The following FAM135B variants were observed in gnomAD, a reference collection of about 807,000 sequenced individuals.
The protein encoded by FAM135B is family with sequence similarity 135 member B, also known as protein FAM135B.
FAM135B carries 43 observed loss-of-function variants against 127.7 expected under a neutral mutation model. The observed-to-expected ratio is 0.34, with a 90% CI of 0.26 to 0.43. FAM135B has a LOEUF of 0.43. FAM135B is among the 20% of genes least tolerant of loss of function. FAM135B has a pLI of 1.00. For missense variants in FAM135B, 1,558 were observed against 1,725.6 expected (o/e 0.90, Z 1.72); for synonymous variants, 670 against 665.1 (o/e 1.01, Z -0.11).
intron 2 of FAM135B, among the ~76,000 whole-genome samples, chr8:138,366,283 C>A (rs776627650): frequency 3.3e-5 from 5 of 152,104 alleles, no homozygotes; most frequent in Non-Finnish European, 5.9e-5. Context: ...ATGATGGAAA[C>A]CTGACATTAT....
intron 7 of FAM135B, among the ~76,000 whole-genome samples, chr8:138,224,663 T>A (rs1254421357): frequency 6.6e-6 from 1 of 152,206 alleles, no homozygotes; most frequent in African/African-American, 2.4e-5. Context: ...GTTATGGACT[T>A]GATGTTTGTG....
intron 7 of FAM135B, among the ~76,000 whole-genome samples, chr8:138,208,268 A>T (rs1409196196): frequency 1.6e-4 from 24 of 152,158 alleles, no homozygotes; most frequent in Non-Finnish European, 1.5e-5. Flanking sequence ...GCAGTTTTAT[A>T]TGCTGGATTC....
At chr8:138,168,752 A>G (rs2130908950) in intron 11 of FAM135B, among the ~76,000 whole-genome samples, 1 of 152,334 alleles carries the variant, frequency 6.6e-6, no homozygotes, top group Non-Finnish European at 1.5e-5. Context: ...TTTCTACAGT[A>G]GGGGAAGAGT....
chr8:138,399,503 A>G (rs1833030441), intron 1 of FAM135B, among the ~76,000 whole-genome samples: 1 of 152,210 alleles, frequency 6.6e-6, no homozygotes, highest in South Asian at 2.1e-4. Flanking sequence ...CTGAAGGAAC[A>G]CAGGAAAACC....
chr8:138,140,758 T>C (rs1383183228), intron 17 of FAM135B, among the ~76,000 whole-genome samples: 2 of 152,042 alleles, frequency 1.3e-5, no homozygotes, highest in Admixed American at 6.6e-5. Flanking sequence ...CAAACACAGA[T>C]ACACACACAC....
chr8:138,226,527 A>C (rs1819466075), intron 7 of FAM135B, among the ~76,000 whole-genome samples: 1 of 152,156 alleles, frequency 6.6e-6, no homozygotes, highest in Admixed American at 6.5e-5. Flanking sequence ...CTGTGGTTGC[A>C]CAGAGCCTGG....
At chr8:138,251,173 C>T (rs985758212) in intron 5 of FAM135B, among the ~76,000 whole-genome samples, 159 bp from the exon 6 acceptor site, 1 of 152,178 alleles carries the variant, frequency 6.6e-6, no homozygotes, top group African/African-American at 2.4e-5. Context: ...ATTTTTCCCA[C>T]CATTGGCAGA....
At chr8:138,180,123 G>T (rs1814868537) in intron 9 of FAM135B, among the ~76,000 whole-genome samples, 1 of 152,140 alleles carries the variant, frequency 6.6e-6, no homozygotes, top group Non-Finnish European at 1.5e-5. Context: ...ACCATCTTTT[G>T]GGGGAGTAAC....
intron 1 of FAM135B, among the ~76,000 whole-genome samples, chr8:138,452,146 T>TC (rs1240128296): frequency 1.4e-5 from 2 of 147,866 alleles, no homozygotes; most frequent in Non-Finnish European, 3.0e-5. Context: ...TTTTTTTTTT[T>TC]TGAGATGGAG....
At chr8:138,188,777 A>G (rs1034811669) in intron 9 of FAM135B, among the ~76,000 whole-genome samples, 5 of 151,950 alleles carry the variant, frequency 3.3e-5, no homozygotes, top group Non-Finnish European at 7.4e-5. Flanking sequence ...CTTTGTGCAA[A>G]CAGAAGAGAG....
At chr8:138,183,127 G>A (rs142473384) in intron 9 of FAM135B, among the ~76,000 whole-genome samples, 1 of 149,056 alleles carries the variant, frequency 6.7e-6, no homozygotes, top group African/African-American at 2.5e-5. Context: ...GGGGTGGGGG[G>A]GCGGTCTAAG....
rs781678131 is a variant in FAM135B at position 138,167,876 on chromosome 8, CA to C, written c.1258+18del. ...GGAAAGCCTTATTCCTGAGTCTTTCCAAAACAAAACAGACAAACCTGTCGCA... is the reference window on the plus strand; with the variant it reads ...GGAAAGCCTTATTCCTGAGTCTTTCCAAACAAAACAGACAAACCTGTCGCA... On this transcript the variant is annotated intron_variant, in intron 12 of 19. Coordinates refer to ENST00000395297, the MANE Select transcript of FAM135B (RefSeq NM_015912.4). 2.5e-6 allele frequency: 4 copies of C among 1,593,618 alleles called. No individual in the cohort carries two copies. The South Asian group carries it at 3.4e-5, about 14-fold the overall frequency.
chr8:138,245,551 C>T (rs911571025), intron 6 of FAM135B, among the ~76,000 whole-genome samples: 6 of 152,166 alleles, frequency 3.9e-5, no homozygotes, highest in African/African-American at 1.4e-4. Context: ...CCTCCCCTTC[C>T]ACCATGATTG....
intron 7 of FAM135B, among the ~76,000 whole-genome samples, chr8:138,205,503 C>A (rs11787098): frequency 0.72 from 109,085 of 151,766 alleles, 39,413 homozygotes; most frequent in East Asian, 0.82. Flanking sequence ...CAAAGAAAAG[C>A]AAAGCCTCTT....
chr8:138,218,796 G>GAT (rs1229921965), intron 7 of FAM135B, among the ~76,000 whole-genome samples: 1 of 21,354 alleles, frequency 4.7e-5, no homozygotes, highest in Non-Finnish European at 1.3e-4. Flanking sequence ...GAGAGAGAGA[G>GAT]AGAGAGAGGG....
chr8:138,496,233 C>T (rs568306185), intron 1 of FAM135B, among the ~76,000 whole-genome samples: 2 of 152,270 alleles, frequency 1.3e-5, no homozygotes, highest in South Asian at 2.1e-4. Flanking sequence ...CCCCTGTCCC[C>T]AGCCAAGCCA....
At chr8:138,304,662 C>T (rs548077635) in intron 3 of FAM135B, among the ~76,000 whole-genome samples, 11 of 152,308 alleles carry the variant, frequency 7.2e-5, no homozygotes, top group South Asian at 6.2e-4. Context: ...CAAGACTGCA[C>T]GGAGACTGAT....
intron 3 of FAM135B, among the ~76,000 whole-genome samples, chr8:138,302,098 C>G (rs1201231807): frequency 6.6e-6 from 1 of 151,662 alleles, no homozygotes; most frequent in Non-Finnish European, 1.5e-5. Context: ...TTCAGTGTGA[C>G]ATTTTTAATT....
At chr8:138,456,059 A>G (rs189893731) in intron 1 of FAM135B, among the ~76,000 whole-genome samples, 3 of 152,368 alleles carry the variant, frequency 2.0e-5, no homozygotes, top group African/African-American at 7.2e-5. Flanking sequence ...ATGTCAGCAC[A>G]TAGTAGGTGG....
Sources: allele counts gnomAD v4.1 joint callset (sites outside exome capture counted in the v4.1 genomes callset), GRCh38; gene constraint gnomAD v4.1.1; transcripts MANE v1.5; gene names NCBI Gene and HGNC (gene_info 2026-07-23, HGNC 2026-07-21).